Variants in ITPKB observed in about 807,000 individuals in gnomAD.
ITPKB encodes the protein inositol-trisphosphate 3-kinase B, also known as IP3 3-kinase B.
In ITPKB, 13 loss-of-function variants were observed where a neutral mutation model predicts 69.4. That is an observed-to-expected ratio of 0.19 (90% confidence interval 0.12 to 0.30). The LOEUF (loss-of-function observed/expected upper bound fraction) is 0.30, where lower values mean the gene tolerates loss of function less well. Ranked by LOEUF, ITPKB falls within the 10% of genes least tolerant of loss-of-function variation. ITPKB has a pLI of 1.00. For synonymous variants in ITPKB, 584 were observed against 513.7 expected, an observed-to-expected ratio of 1.14 and a Z score of -1.85; for missense variants, 1,240 against 1,250.5, an observed-to-expected ratio of 0.99 and a Z score of 0.13.
chr1:226,661,451 G>T (rs1669400934), intron 2 of ITPKB, among the ~76,000 whole-genome samples: 1 of 152,236 alleles, frequency 6.6e-6, no homozygotes, highest in Non-Finnish European at 1.5e-5. Context: ...CTGTACATGT[G>T]TAGTCAGGCA....
At chr1:226,691,887 T>C (rs1380545272) in intron 2 of ITPKB, among the ~76,000 whole-genome samples, 1 of 152,154 alleles carries the variant, frequency 6.6e-6, no homozygotes, top group African/African-American at 2.4e-5. Context: ...GCGTGGGCCC[T>C]GATCATGAAG....
In ITPKB at chr1:226,642,037, C is replaced by T. The variant is rs764431826; in HGVS notation, c.2335G>A (p.Glu779Lys). Residue 779 changes from glutamate (E) to lysine (K), a missense_variant, in exon 5 of 8, where the codon GAG becomes AAG. Coordinates refer to ENST00000429204, the MANE Select transcript of ITPKB (RefSeq NM_002221.4). This position sits in a 1 kb window ranked among gnomAD's most constrained non-coding sequence, Gnocchi z 6.4. The stretch of plus-strand genomic sequence containing the variant: ...GCTTTTTCCTCCTCGGTGGGGGCCT[C>T]GGGGTCCACCTCGATCATCTTCTGG... The part of the protein sequence containing the change: ...MYQKMIEVDP[E>K]APTEEEKAQR... The T allele has an allele frequency of 7.4e-6, 12 of 1,613,994 alleles. No individual in the cohort carries two copies. The highest frequency in any genetic ancestry group is 6.7e-5 in the Admixed American group (4 of 60,002).
intron 2 of ITPKB, among the ~76,000 whole-genome samples, chr1:226,728,555 T>G (rs1657490903): frequency 6.6e-6 from 1 of 152,222 alleles, no homozygotes; most frequent in Non-Finnish European, 1.5e-5. Context: ...GTGTCGTGGT[T>G]GACCTTGTCC....
chr1:226,701,599 G>A (rs1436165841), intron 2 of ITPKB, among the ~76,000 whole-genome samples: 1 of 76,096 alleles, frequency 1.3e-5, no homozygotes, highest in Non-Finnish European at 2.2e-5. Context: ...GTGAGACTCC[G>A]TCTCAAAAAA....
At chr1:226,703,834 A>C (rs1191928845) in intron 2 of ITPKB, among the ~76,000 whole-genome samples, 1 of 152,122 alleles carries the variant, frequency 6.6e-6, no homozygotes, top group Non-Finnish European at 1.5e-5. Flanking sequence ...GGGTTTCCTC[A>C]TTTGCAAAAT....
intron 2 of ITPKB, among the ~76,000 whole-genome samples, chr1:226,695,527 G>T (rs1656457443): frequency 6.6e-6 from 1 of 152,198 alleles, no homozygotes; most frequent in South Asian, 2.1e-4. Context: ...AATCTTGGCT[G>T]CACTGACAGG....
intron 2 of ITPKB, among the ~76,000 whole-genome samples, chr1:226,665,984 C>T (rs546921589): frequency 6.6e-6 from 1 of 152,260 alleles, no homozygotes; most frequent in African/African-American, 2.4e-5. Context: ...CACAGTGTAG[C>T]GGCCAACTGC....
chr1:226,710,143 T>C (rs915468229), intron 2 of ITPKB, among the ~76,000 whole-genome samples: 42 of 152,106 alleles, frequency 2.8e-4, no homozygotes, highest in African/African-American at 9.4e-4. Flanking sequence ...ACAGGTAGCA[T>C]TGGAAAAGAA....
At chr1:226,654,202 T>A (rs1023236607) in intron 2 of ITPKB, among the ~76,000 whole-genome samples, 1 of 152,080 alleles carries the variant, frequency 6.6e-6, no homozygotes, top group Admixed American at 6.5e-5. Context: ...ATTCAGAGAA[T>A]GTGGAGAGAG....
chr1:226,671,836 G>A (rs530734194), intron 2 of ITPKB, among the ~76,000 whole-genome samples: 2 of 152,348 alleles, frequency 1.3e-5, no homozygotes, highest in East Asian at 3.9e-4. Context: ...GAACAGCAAA[G>A]TGGCTGGAAC....
chr1:226,715,930 C>A (rs1021185826), intron 2 of ITPKB, among the ~76,000 whole-genome samples: 1 of 152,210 alleles, frequency 6.6e-6, no homozygotes, highest in African/African-American at 2.4e-5. Context: ...CTTGCCTTAG[C>A]CTCCTGAGTA....
At chr1:226,652,310 C>G (rs937197011) in intron 2 of ITPKB, among the ~76,000 whole-genome samples, 2 of 152,162 alleles carry the variant, frequency 1.3e-5, no homozygotes, top group East Asian at 3.9e-4. Context: ...CCTCAGGAAC[C>G]AAATCCACTC....
intron 2 of ITPKB, among the ~76,000 whole-genome samples, chr1:226,711,754 C>T (rs1189356486): frequency 6.6e-6 from 1 of 152,114 alleles, no homozygotes; most frequent in Non-Finnish European, 1.5e-5. Flanking sequence ...GAGCTGAACC[C>T]ACTAGGGTGT....
intron 2 of ITPKB, among the ~76,000 whole-genome samples, chr1:226,670,204 A>AAAAC (rs1669588177): frequency 6.7e-6 from 1 of 149,916 alleles, no homozygotes; most frequent in South Asian, 2.1e-4. Context: ...AAAAAAAAAA[A>AAAAC]TTTCAATAGT....
At chr1:226,636,810 TG>T (rs1668849650) in intron 7 of ITPKB, among the ~76,000 whole-genome samples, 1 of 148,472 alleles carries the variant, frequency 6.7e-6, no homozygotes, top group Non-Finnish European at 1.5e-5. Context: ...GGGAAAGGCA[TG>T]CATGTTTGTG....
intron 2 of ITPKB, among the ~76,000 whole-genome samples, chr1:226,699,069 C>T (rs1474020002): frequency 6.6e-6 from 1 of 152,216 alleles, no homozygotes; most frequent in Non-Finnish European, 1.5e-5. Flanking sequence ...CCCTCACCCC[C>T]ACTACCTCTC....
At chr1:226,678,925 C>T (rs1284135239) in intron 2 of ITPKB, among the ~76,000 whole-genome samples, 1 of 152,216 alleles carries the variant, frequency 6.6e-6, no homozygotes, top group East Asian at 1.9e-4. Flanking sequence ...AGAGGGGCAT[C>T]TCAGGGAGCA....
rs112233868 is a variant in ITPKB, at chr1:226,732,545, G to T, written c.1932+2982C>A. Among the ~76,000 whole-genome samples, 1,023 of 135,656 alleles carry T rather than the reference G, an allele frequency of 7.5e-3. 8 individuals are homozygous for T. The highest frequency in any genetic ancestry group is 0.025 in the African/African-American group (920 of 37,492). 89.0% of individuals were successfully genotyped at this position (135,656 alleles called of 152,430 possible). A position where few individuals can be genotyped will look rare whatever the true frequency, so the allele number is the denominator to read the frequency against. ...GAGCCACCGTGCCCAGCGTTCTTTT[G>T]TTTTTTTTTTTTTTGTACATATAAC... On this transcript the variant is annotated intron_variant, in intron 2 of 7. Transcript: ENST00000429204.
intron 2 of ITPKB, among the ~76,000 whole-genome samples, chr1:226,676,966 C>T (rs983350226): frequency 6.6e-6 from 1 of 152,146 alleles, no homozygotes; most frequent in African/African-American, 2.4e-5. Flanking sequence ...TCTCTTTGTA[C>T]CCTCCACACC....
Sources: gnomAD v4.1 joint callset for allele counts (sites outside exome capture counted in the v4.1 genomes callset) on GRCh38, gnomAD v4.1.1 for gene constraint, Gnocchi (gnomAD v3.1) non-coding constraint, MANE v1.5 for transcripts, NCBI Gene and HGNC (gene_info 2026-07-23, HGNC 2026-07-21) for gene names.